CD99: variants seen among roughly 807,000 people sequenced by gnomAD.
The protein encoded by CD99 is CD99 antigen.
In CD99, 19 loss-of-function variants were observed where a neutral mutation model predicts 28.4. The observed-to-expected ratio is 0.67, with a 90% confidence interval of 0.47 to 0.98. The LOEUF (loss-of-function observed/expected upper bound fraction) is 0.98. CD99 is among the 50% of genes least tolerant of loss of function. The pLI, the probability that CD99 is intolerant of heterozygous loss-of-function variation, is 0.00. For missense variants in CD99, 283 were observed against 248.8 expected (o/e 1.14, Z -0.92); for synonymous variants, 103 against 92.1 (o/e 1.12, Z -0.67).
Position 2,723,384 on chromosome X carries a change from GTCT to G in CD99, c.361+25_361+27del, listed in dbSNP as rs746848038. 27 of 1,613,512 alleles carry G rather than the reference GTCT, an allele frequency of 1.7e-5. No homozygotes were observed. The highest frequency in any genetic ancestry group is 3.3e-5 in the Admixed American group (2 of 59,982). On this transcript the variant is annotated intron_variant, in intron 7 of 9. Coordinates refer to ENST00000381192, the MANE Select transcript of CD99 (RefSeq NM_002414.5). ...AAGAGGGTAGGTGCACCTGGCTTCT[GTCT>G]TCTTGTCTCTCCCACGTGGTGTTGA...
intron 1 of CD99, among the ~76,000 whole-genome samples, chrX:2,711,203 C>T (rs2048386409): frequency 6.8e-6 from 1 of 147,394 alleles, no homozygotes; most frequent in Non-Finnish European, 1.5e-5. Flanking sequence ...CAGGGTATTC[C>T]CAGCAAGTCA....
Position 2,692,226 on chromosome X carries a change from G to A in CD99, c.67+799G>A, listed in dbSNP as rs2047346523. 1.0e-5 allele frequency: 4 copies of A among 401,854 alleles called. No homozygotes were observed. The East Asian group carries it at 2.1e-4, about 21-fold the overall frequency. The allele number at this position is 401,854 out of a possible 1,614,324, so 24.9% of individuals were successfully genotyped here. A position where few individuals can be genotyped will look rare whatever the true frequency, so the allele number is the denominator to read the frequency against. On this transcript the variant is annotated intron_variant, in intron 1 of 9. Coordinates refer to ENST00000381192, the MANE Select transcript of CD99 (RefSeq NM_002414.5). ...ACGGAGACCCTGCCGGATGTGGTAT[G>A]TTATAAATTCTTTTTTCATGTTATA...
chrX:2,738,131 T>C (rs766324219), intron 8 of CD99, 69 bp from the exon 9 acceptor site: 1 of 1,409,566 alleles, frequency 7.1e-7, no homozygotes, highest in Non-Finnish European at 1.0e-6. Flanking sequence ...CCAAGTGTTT[T>C]GTGTGTATTT....
chrX:2,710,867 C>CTT (rs541519754), intron 1 of CD99, among the ~76,000 whole-genome samples: 4,547 of 99,550 alleles, frequency 0.046, 435 homozygotes, highest in African/African-American at 0.083. Flanking sequence ...GTAGAGATGA[C>CTT]TTTTTTTTTT....
intron 8 of CD99, among the ~76,000 whole-genome samples, chrX:2,731,599 AAAG>A (rs1381198456): frequency 1.3e-5 from 2 of 152,176 alleles, no homozygotes; most frequent in Non-Finnish European, 2.9e-5. Context: ...AAAAAAGAAA[AAAG>A]AAAAGAAAAA....
intron 2 of CD99, 33 bp from the exon 3 acceptor site, chrX:2,717,572 A>G (rs1569439799): frequency 1.9e-6 from 3 of 1,580,464 alleles, no homozygotes; most frequent in Admixed American, 1.7e-5. Context: ...CCCAGCTGCA[A>G]CTTTTACTAA....
chrX:2,740,723 C>G (rs2050154916), intron 9 of CD99, 56 bp from the exon 10 acceptor site: 4 of 1,584,414 alleles, frequency 2.5e-6, no homozygotes, highest in Admixed American at 1.7e-5. Context: ...GGAACTGTGT[C>G]CACGTGAGTG....
intron 8 of CD99, among the ~76,000 whole-genome samples, chrX:2,728,920 T>TCCACCA (rs989638177): frequency 7.3e-6 from 1 of 137,578 alleles, no homozygotes; most frequent in South Asian, 2.4e-4. Flanking sequence ...CACTGCAACC[T>TCCACCA]CGCGGGTTCA....
At chrX:2,711,972 G>A (rs1319072960) in intron 1 of CD99, among the ~76,000 whole-genome samples, 11 of 152,180 alleles carry the variant, frequency 7.2e-5, no homozygotes, top group Non-Finnish European at 2.9e-5. Context: ...AACCCAGGAG[G>A]CGGAGGTTGT....
At chrX:2,708,351 G>T (rs998216496) in intron 1 of CD99, among the ~76,000 whole-genome samples, 2 of 152,148 alleles carry the variant, frequency 1.3e-5, no homozygotes, top group African/African-American at 4.8e-5. Context: ...TCTCTGTGGG[G>T]TGGTGTTTGG....
intron 1 of CD99, among the ~76,000 whole-genome samples, chrX:2,706,349 C>T (rs1603266928): frequency 6.6e-6 from 1 of 152,208 alleles, no homozygotes; most frequent in Middle Eastern, 3.4e-3. Flanking sequence ...GACACAGAGA[C>T]ACTCTGTCTC....
chrX:2,736,800 T>A (rs1246727194), intron 8 of CD99, among the ~76,000 whole-genome samples: 2 of 151,772 alleles, frequency 1.3e-5, no homozygotes, highest in Non-Finnish European at 2.9e-5. Context: ...GAGGTTGCAG[T>A]GAGCTGATAT....
In CD99 at chrX:2,740,925, C is replaced by T. The variant is rs2050162724; in HGVS notation, c.*121C>T. ...GGAGGCCTTCTGTTCACGGCGGATTCTTTGTTTTAATCTTGCGATGTGCTT... is the reference window on the plus strand; with the variant it reads ...GGAGGCCTTCTGTTCACGGCGGATTTTTTGTTTTAATCTTGCGATGTGCTT... On this transcript the variant is annotated 3_prime_UTR_variant, in exon 10 of 10. Coordinates refer to ENST00000381192, the MANE Select transcript of CD99 (RefSeq NM_002414.5). The T allele has an allele frequency of 3.7e-6, 4 of 1,094,224 alleles. No homozygotes were observed. The highest frequency in any genetic ancestry group is 5.6e-6 in the Non-Finnish European group (4 of 711,140). 67.8% of individuals were successfully genotyped at this position (1,094,224 alleles called of 1,614,324 possible). A position where few individuals can be genotyped will look rare whatever the true frequency, so the allele number is the denominator to read the frequency against.
chrX:2,700,561 TATCCATCCATCC>T (rs368305179), intron 1 of CD99, among the ~76,000 whole-genome samples: 2 of 149,908 alleles, frequency 1.3e-5, no homozygotes, highest in Non-Finnish European at 3.0e-5. Context: ...TCCATCCATT[TATCCATCCATCC>T]ATCCATCCAT....
At chrX:2,737,087 T>C (rs1190403739) in intron 8 of CD99, among the ~76,000 whole-genome samples, 2 of 152,098 alleles carry the variant, frequency 1.3e-5, no homozygotes, top group South Asian at 4.2e-4. Flanking sequence ...CTGAGAAGGA[T>C]GATTGGTGGA....
Position 2,726,250 on chromosome X carries a change from C to T in CD99, c.362-10C>T, listed in dbSNP as rs1254335084. ...GTCTCAATCACGATGCTGTGTGCTT[C>T]CTCCTGCAGCCGACGCCCCAGGCGT... On this transcript the variant is annotated splice_polypyrimidine_tract_variant and intron_variant, in intron 7 of 9. Coordinates refer to ENST00000381192, the MANE Select transcript of CD99 (RefSeq NM_002414.5). The T allele has an allele frequency of 1.3e-6, 2 of 1,573,514 alleles. No homozygotes were observed. Among genetic ancestry groups the T allele is most frequent in the South Asian group, 2.2e-5 (2 of 90,200 alleles).
At chrX:2,715,763 C>G (rs28808107) in intron 2 of CD99, among the ~76,000 whole-genome samples, 72,631 of 151,462 alleles carry the variant, frequency 0.48, 17,735 homozygotes, top group African/African-American at 0.57. Context: ...GAGGGCTTCA[C>G]GTGTCCCTGT....
At chrX:2,699,113 T>TTTTTCTTTTCTTTCCTCTTC (rs1410826619) in intron 1 of CD99, among the ~76,000 whole-genome samples, 3 of 150,374 alleles carry the variant, frequency 2.0e-5, no homozygotes, top group African/African-American at 7.5e-5. Context: ...TCTTTTTGTT[T>TTTTTCTTTTCTTTCCTCTTC]TTTTCTTTTC....
intron 8 of CD99, 57 bp downstream of exon 8, chrX:2,726,430 C>A (rs760990686): frequency 8.5e-7 from 1 of 1,173,530 alleles, no homozygotes; most frequent in Non-Finnish European, 1.3e-6. Context: ...GAAAACTGTG[C>A]TTTCTTTAAA....
Sources: allele counts gnomAD v4.1 joint callset (sites outside exome capture counted in the v4.1 genomes callset), GRCh38; gene constraint gnomAD v4.1.1; transcripts MANE v1.5; gene names NCBI Gene and HGNC (gene_info 2026-07-23, HGNC 2026-07-21).